IGF1R: variants seen among roughly 807,000 people sequenced by gnomAD.
IGF1R encodes insulin like growth factor 1 receptor.
In IGF1R, 44 loss-of-function variants were observed where a neutral mutation model predicts 144.6. The observed-to-expected ratio is 0.30, with a 90% CI of 0.24 to 0.39. IGF1R has a LOEUF of 0.39. Among genes scored for constraint, IGF1R ranks in the 10% least tolerant of loss-of-function variants. The pLI, the probability that IGF1R is intolerant of heterozygous loss-of-function variation, is 1.00. For missense variants in IGF1R, 1,355 were observed against 1,833.7 expected (o/e 0.74, Z 4.77); for synonymous variants, 795 against 722.8 (o/e 1.10, Z -1.60).
intron 2 of IGF1R, among the ~76,000 whole-genome samples, chr15:98,745,032 T>C (rs1028414786): frequency 1.3e-5 from 2 of 152,208 alleles, no homozygotes; most frequent in South Asian, 4.1e-4. Context: ...AACTCTCTTA[T>C]GACTTTTTTA....
intron 2 of IGF1R, among the ~76,000 whole-genome samples, chr15:98,859,919 G>A (rs1341921411): frequency 6.6e-6 from 1 of 152,106 alleles, no homozygotes; most frequent in Non-Finnish European, 1.5e-5. Context: ...GTAGTTTCTT[G>A]AAGTTTTTTC....
chr15:98,868,969 G>C (rs1358130457), intron 2 of IGF1R, among the ~76,000 whole-genome samples: 1 of 152,178 alleles, frequency 6.6e-6, no homozygotes, highest in Non-Finnish European at 1.5e-5. Flanking sequence ...AGCTGGGCTT[G>C]TGCATAGGTT....
chr15:98,851,938 G>A (rs571557263), intron 2 of IGF1R, among the ~76,000 whole-genome samples: 1 of 152,216 alleles, frequency 6.6e-6, no homozygotes, highest in South Asian at 2.1e-4. Flanking sequence ...TGATTCACCC[G>A]TGTGCCCTTA....
At chr15:98,702,177 A>G (rs1389949344) in intron 1 of IGF1R, among the ~76,000 whole-genome samples, 1 of 151,410 alleles carries the variant, frequency 6.6e-6, no homozygotes, top group Admixed American at 6.6e-5. Flanking sequence ...CCCTTCTCAT[A>G]TTAACATTTA....
chr15:98,661,551 C>T (rs1159005971), intron 1 of IGF1R, among the ~76,000 whole-genome samples: 1 of 152,178 alleles, frequency 6.6e-6, no homozygotes, highest in Non-Finnish European at 1.5e-5. Context: ...GAATGCTGAA[C>T]CGGCTGGATG....
intron 2 of IGF1R, among the ~76,000 whole-genome samples, chr15:98,813,484 ACC>A (rs2056635233): frequency 2.0e-5 from 3 of 152,160 alleles, no homozygotes; most frequent in Admixed American, 6.5e-5. Context: ...TCCCAAGGAA[ACC>A]ACAATAAAGG....
chr15:98,720,097 A>G (rs1275782767), intron 2 of IGF1R, among the ~76,000 whole-genome samples: 2 of 152,224 alleles, frequency 1.3e-5, no homozygotes, highest in Admixed American at 6.5e-5. Context: ...GGACTTTCAG[A>G]TGCCAGCTCC....
intron 1 of IGF1R, among the ~76,000 whole-genome samples, chr15:98,659,467 AGATAGC>A (rs974308132): frequency 6.6e-6 from 1 of 152,164 alleles, no homozygotes; most frequent in Non-Finnish European, 1.5e-5. Flanking sequence ...CCAAGGAGGA[AGATAGC>A]GATCCCAACC....
intron 2 of IGF1R, among the ~76,000 whole-genome samples, chr15:98,741,608 C>T (rs897721058): frequency 6.6e-6 from 1 of 152,174 alleles, no homozygotes; most frequent in African/African-American, 2.4e-5. Flanking sequence ...TTCTGCACGT[C>T]GGGGAACAAG....
chr15:98,883,019 A>G (rs1388847461), intron 2 of IGF1R, among the ~76,000 whole-genome samples: 1 of 152,230 alleles, frequency 6.6e-6, no homozygotes, highest in Non-Finnish European at 1.5e-5. Context: ...ATTTAGGTTC[A>G]GACAGACAAA....
At chr15:98,951,025 G>A (rs573947352) in intron 20 of IGF1R, among the ~76,000 whole-genome samples, 4 of 152,230 alleles carry the variant, frequency 2.6e-5, no homozygotes, top group Non-Finnish European at 4.4e-5. Flanking sequence ...GAGTACGTTG[G>A]CTGGGCGGCA....
At position 98,649,557 on chromosome 15, in the gene IGF1R, G is replaced by A; in HGVS notation, c.-25G>A. On this transcript the variant is annotated 5_prime_UTR_variant, in exon 1 of 21. Transcript: ENST00000650285. ...TTTTTTTTTTTTTTTTTTGAGAAAGGGGAATTTCATCCCAAATAAAAGGAA... is the reference window on the plus strand; with the variant it reads ...TTTTTTTTTTTTTTTTTTGAGAAAGAGGAATTTCATCCCAAATAAAAGGAA... The A allele has an allele frequency of 9.3e-7, 1 of 1,075,976 alleles. No individual in the cohort carries two copies. The allele number at this position is 1,075,976 out of a possible 1,614,324, so 66.7% of individuals were successfully genotyped here.
chr15:98,821,388 G>A (rs1412563214), intron 2 of IGF1R, among the ~76,000 whole-genome samples: 2 of 151,478 alleles, frequency 1.3e-5, no homozygotes, highest in Admixed American at 6.6e-5. Context: ...AAATATTAAC[G>A]TGTATATAAG....
chr15:98,828,354 C>T (rs1305848343), intron 2 of IGF1R, among the ~76,000 whole-genome samples: 1 of 152,140 alleles, frequency 6.6e-6, no homozygotes. Flanking sequence ...CCTCTGCCTG[C>T]TCGTATAAGA....
intron 2 of IGF1R, among the ~76,000 whole-genome samples, chr15:98,769,269 C>T (rs1596287458): frequency 1.3e-5 from 2 of 152,134 alleles, no homozygotes; most frequent in African/African-American, 4.8e-5. Context: ...AAGGGATAGG[C>T]ATTGTGTTTT....
chr15:98,867,599 A>G (rs899816182), intron 2 of IGF1R, among the ~76,000 whole-genome samples: 1 of 152,058 alleles, frequency 6.6e-6, no homozygotes, highest in East Asian at 1.9e-4. Flanking sequence ...TCTAATTATT[A>G]TCTGTGTGTA....
chr15:98,871,208 G>C (rs978332212), intron 2 of IGF1R, among the ~76,000 whole-genome samples: 1 of 152,230 alleles, frequency 6.6e-6, no homozygotes, highest in Non-Finnish European at 1.5e-5. Flanking sequence ...AAGTTGTTCC[G>C]GTGAACCCGT....
At chr15:98,687,622 G>A (rs1047104605) in intron 1 of IGF1R, among the ~76,000 whole-genome samples, 1 of 152,168 alleles carries the variant, frequency 6.6e-6, no homozygotes, top group African/African-American at 2.4e-5. Flanking sequence ...AGGGTGGAGG[G>A]TGCATTATGG....
intron 2 of IGF1R, among the ~76,000 whole-genome samples, chr15:98,841,296 C>T (rs767514224): frequency 6.6e-5 from 10 of 152,212 alleles, no homozygotes; most frequent in African/African-American, 9.6e-5. Flanking sequence ...AAATCCTTGG[C>T]CTGCCATTTA....
Sources: gnomAD v4.1 joint callset for allele counts (sites outside exome capture counted in the v4.1 genomes callset) on GRCh38, gnomAD v4.1.1 for gene constraint, MANE v1.5 for transcripts, NCBI Gene and HGNC (gene_info 2026-07-23, HGNC 2026-07-21) for gene names.